The following SETD2 variants were observed in gnomAD, a reference collection of about 807,000 sequenced individuals.
SETD2 encodes SET domain containing 2, histone lysine methyltransferase, also known as histone-lysine N-methyltransferase SETD2.
A neutral mutation model predicts 242.1 loss-of-function variants in SETD2; 31 were observed. The ratio of observed to expected loss-of-function variants is 0.13; its 90% confidence interval spans 0.10 to 0.17. SETD2 has a LOEUF of 0.17. SETD2 is among the 10% of genes least tolerant of loss of function. The pLI is 1.00. For synonymous variants in SETD2, 1,006 were observed against 1,066.5 expected (o/e 0.94, Z 1.11); for missense variants, 2,481 against 3,046.3 (o/e 0.81, Z 4.37).
Position 47,132,101 on chromosome 3 carries a change from C to T in SETD2, c.72-5438G>A, listed in dbSNP as rs546706508. Among the ~76,000 whole-genome samples the T allele has an allele frequency of 4.0e-5, 6 of 149,926 alleles. No homozygotes were observed. The East Asian group carries it at 7.8e-4, about 20-fold the overall frequency. On this transcript the variant is annotated intron_variant, in intron 1 of 20. Coordinates refer to ENST00000409792, the MANE Select transcript of SETD2 (RefSeq NM_014159.7). ...TAGTTTGCATATTCTTATTCGAAAA[C>T]TTTGTGTGCATATATGAACATACAC...
chr3:47,101,190 A>G (rs2042198434), intron 8 of SETD2, among the ~76,000 whole-genome samples: 1 of 152,086 alleles, frequency 6.6e-6, no homozygotes, highest in Non-Finnish European at 1.5e-5. Context: ...TGGCATGTCT[A>G]AAGTTTTTCA....
intron 1 of SETD2, among the ~76,000 whole-genome samples, chr3:47,148,653 G>A (rs538310859): frequency 1.3e-5 from 2 of 152,114 alleles, no homozygotes; most frequent in East Asian, 3.8e-4. Context: ...ATTAATTAGG[G>A]TCTTAAATTA....
At position 47,103,436 on chromosome 3, in the gene SETD2, G is replaced by A. The variant is rs762158903; in HGVS notation, c.4840-13C>T. 1 of 1,562,678 alleles carries A rather than the reference G, an allele frequency of 6.4e-7. No individual in the cohort carries two copies. Among genetic ancestry groups the A allele is most frequent in the South Asian group, 1.1e-5 (1 of 89,976 alleles). On this transcript the variant is annotated splice_polypyrimidine_tract_variant and intron_variant, in intron 6 of 20. Transcript: ENST00000409792. Reference sequence around the variant, plus strand: ...TGGCATCTATTATCTGGGAGAAGAGGATCATTTAAGAATTAAAAAATAATA... The same window carrying A: ...TGGCATCTATTATCTGGGAGAAGAGAATCATTTAAGAATTAAAAAATAATA...
chr3:47,075,425 G>A (rs1359635223), intron 12 of SETD2, among the ~76,000 whole-genome samples: 2 of 151,544 alleles, frequency 1.3e-5, no homozygotes, highest in African/African-American at 4.8e-5. Context: ...TTAGCCGGGC[G>A]TGGTGGTGCA....
At chr3:47,079,665 C>T (rs767026369) in intron 12 of SETD2, among the ~76,000 whole-genome samples, 1 of 152,178 alleles carries the variant, frequency 6.6e-6, no homozygotes, top group Non-Finnish European at 1.5e-5. Context: ...TCCAGTCTTT[C>T]TCACAACTAC....
intron 3 of SETD2, 129 bp from the exon 4 acceptor site, chr3:47,116,883 A>G (rs2107729877): frequency 1.6e-6 from 1 of 640,738 alleles, no homozygotes; most frequent in South Asian, 2.0e-5. Context: ...TTGTTCTGTC[A>G]CCCAGGCCAG....
chr3:47,052,582 C>T (rs1430351927), intron 15 of SETD2, among the ~76,000 whole-genome samples: 1 of 152,008 alleles, frequency 6.6e-6, no homozygotes, highest in Non-Finnish European at 1.5e-5. Context: ...TTTGGGAGGC[C>T]GAGGCAGGTG....
At chr3:47,059,275 C>T (rs2107582792) in intron 14 of SETD2, among the ~76,000 whole-genome samples, 1 of 151,092 alleles carries the variant, frequency 6.6e-6, no homozygotes, top group South Asian at 2.1e-4. Context: ...CATCACCATG[C>T]CTGGCTAATT....
intron 1 of SETD2, among the ~76,000 whole-genome samples, chr3:47,160,309 A>T (rs945330273): frequency 7.3e-5 from 11 of 149,882 alleles, no homozygotes; most frequent in Non-Finnish European, 1.0e-4. Flanking sequence ...TAATTTTATT[A>T]TTTTTTTTTC....
intron 18 of SETD2, among the ~76,000 whole-genome samples, chr3:47,023,263 G>A (rs372868517): frequency 7.2e-5 from 11 of 152,218 alleles, no homozygotes; most frequent in South Asian, 6.2e-4. Flanking sequence ...AGTCAGGCGC[G>A]GCGGCGTGCA....
chr3:47,053,069 T>C (rs2039918400), intron 15 of SETD2, among the ~76,000 whole-genome samples: 1 of 151,760 alleles, frequency 6.6e-6, no homozygotes, highest in Non-Finnish European at 1.5e-5. Flanking sequence ...TTTGTATTTT[T>C]GTAGAGATGG....
chr3:47,142,543 T>A (rs1180828131), intron 1 of SETD2, among the ~76,000 whole-genome samples: 1 of 151,720 alleles, frequency 6.6e-6, no homozygotes, highest in East Asian at 1.9e-4. Flanking sequence ...AAGGTCATAA[T>A]GAAGATCTCT....
chr3:47,059,038 T>C (rs1054855889), intron 14 of SETD2, among the ~76,000 whole-genome samples: 4 of 151,302 alleles, frequency 2.6e-5, no homozygotes, highest in African/African-American at 9.7e-5. Context: ...CTTGATCTCC[T>C]GACCTCGTGA....
chr3:47,159,716 C>T (rs554177373), intron 1 of SETD2, among the ~76,000 whole-genome samples: 1 of 152,294 alleles, frequency 6.6e-6, no homozygotes, highest in African/African-American at 2.4e-5. Context: ...GTGGCTCACA[C>T]CTGTAATCCC....
At chr3:47,144,143 CAAA>C (rs2043798662) in intron 1 of SETD2, among the ~76,000 whole-genome samples, 1 of 152,170 alleles carries the variant, frequency 6.6e-6, no homozygotes, top group African/African-American at 2.4e-5. Flanking sequence ...TGCTCTATGA[CAAA>C]GAACTACTCC....
intron 3 of SETD2, among the ~76,000 whole-genome samples, chr3:47,117,201 CA>C (rs1391385811): frequency 7.8e-6 from 1 of 127,842 alleles, no homozygotes; most frequent in Non-Finnish European, 1.6e-5. Flanking sequence ...GTCAACCATT[CA>C]AAATAAAACA....
At chr3:47,147,232 C>T (rs1005433696) in intron 1 of SETD2, among the ~76,000 whole-genome samples, 6 of 151,400 alleles carry the variant, frequency 4.0e-5, no homozygotes, top group Admixed American at 1.3e-4. Flanking sequence ...AGGCTGGTCT[C>T]GAATTCCTGA....
intron 1 of SETD2, among the ~76,000 whole-genome samples, chr3:47,157,986 G>A (rs1342424635): frequency 2.0e-5 from 3 of 152,166 alleles, no homozygotes; most frequent in South Asian, 2.1e-4. Context: ...TAGGTAAGGA[G>A]TAATTAAGAA....
At chr3:47,159,540 C>T (rs1236772599) in intron 1 of SETD2, among the ~76,000 whole-genome samples, 1 of 152,198 alleles carries the variant, frequency 6.6e-6, no homozygotes, top group Non-Finnish European at 1.5e-5. Context: ...TTCTGGATTA[C>T]TAGCTTCCTT....
Sources: gnomAD v4.1 joint callset for allele counts (sites outside exome capture counted in the v4.1 genomes callset) on GRCh38, gnomAD v4.1.1 for gene constraint, MANE v1.5 for transcripts, NCBI Gene and HGNC (gene_info 2026-07-23, HGNC 2026-07-21) for gene names.